The following NCS1 variants were observed in gnomAD, a reference collection of about 807,000 sequenced individuals.
The protein encoded by NCS1 is frequenin homolog.
NCS1 carries 6 observed loss-of-function variants against 28.4 expected under a neutral mutation model. The observed-to-expected ratio is 0.21, with a 90% CI of 0.12 to 0.42. NCS1 has a LOEUF of 0.42. NCS1 is among the 10% of genes least tolerant of loss of function. NCS1 has a pLI of 1.00. For missense variants in NCS1, 131 were observed against 241.4 expected (o/e 0.54, Z 3.03); for synonymous variants, 86 against 99.3 (o/e 0.87, Z 0.79).
chr9:130,214,598 C>T lies in NCS1; in HGVS notation c.90-3234C>T, dbSNP rs116440167. On this transcript the variant is annotated intron_variant, in intron 2 of 7. Coordinates refer to ENST00000372398, the MANE Select transcript of NCS1 (RefSeq NM_014286.4). ...GGGGAGGAGGCACTTGATCAGATATCGTGGGGGTGGGGATTCTGGCTACAG... is the reference window on the plus strand; with the variant it reads ...GGGGAGGAGGCACTTGATCAGATATTGTGGGGGTGGGGATTCTGGCTACAG... Among the ~76,000 whole-genome samples the T allele has an allele frequency of 3.1e-3, 478 of 152,004 alleles. 5 individuals are homozygous for T. Among genetic ancestry groups the T allele is most frequent in the African/African-American group, 0.011 (451 of 41,416 alleles).
chr9:130,202,082 C>A (rs1481642472), intron 2 of NCS1, among the ~76,000 whole-genome samples: 2 of 152,228 alleles, frequency 1.3e-5, no homozygotes, highest in African/African-American at 4.8e-5. Flanking sequence ...GAACAAAAAC[C>A]TGACCATGCC....
At chr9:130,221,436 A>G (rs1833299189) in intron 4 of NCS1, among the ~76,000 whole-genome samples, 1 of 142,728 alleles carries the variant, frequency 7.0e-6, no homozygotes, top group Non-Finnish European at 1.5e-5. Flanking sequence ...AGAGAGAGAG[A>G]GAGAGAGAGA....
chr9:130,228,399 T>G (rs2131161728), intron 7 of NCS1, among the ~76,000 whole-genome samples: 1 of 152,112 alleles, frequency 6.6e-6, no homozygotes, highest in Admixed American at 6.5e-5. Context: ...GTTTTTTTTC[T>G]GTAGTGTAGA....
intron 2 of NCS1, among the ~76,000 whole-genome samples, chr9:130,208,819 A>G (rs1479325127): frequency 6.6e-6 from 1 of 152,080 alleles, no homozygotes; most frequent in Non-Finnish European, 1.5e-5. Flanking sequence ...GCCCCATTTT[A>G]CAGATGAAGA....
chr9:130,231,540 C>A (rs1015282873), intron 7 of NCS1, among the ~76,000 whole-genome samples: 46 of 151,696 alleles, frequency 3.0e-4, no homozygotes, highest in African/African-American at 1.1e-3. Context: ...CACACCACCA[C>A]GCCCAGCTAA....
intron 4 of NCS1, among the ~76,000 whole-genome samples, chr9:130,221,391 T>TC (rs1564713592): frequency 5.5e-5 from 2 of 36,376 alleles, no homozygotes; most frequent in South Asian, 1.9e-3. Context: ...TATATATATA[T>TC]ATATATATAT....
chr9:130,189,885 T>G (rs1473240459), intron 1 of NCS1, among the ~76,000 whole-genome samples: 1 of 87,508 alleles, frequency 1.1e-5, no homozygotes, highest in Non-Finnish European at 2.1e-5. Flanking sequence ...AAAAAATATA[T>G]ATATATATAT....
chr9:130,172,957 G>T (rs1253400867), intron 1 of NCS1, among the ~76,000 whole-genome samples: 2 of 151,846 alleles, frequency 1.3e-5, no homozygotes, highest in Non-Finnish European at 2.9e-5. Context: ...GCCGGTCGGC[G>T]TGCGCGGCGC....
At chr9:130,174,716 CAGGAGAATCGCTTGAACCTGGG>C (rs1156608229) in intron 1 of NCS1, among the ~76,000 whole-genome samples, 1 of 143,678 alleles carries the variant, frequency 7.0e-6, no homozygotes, top group East Asian at 2.3e-4. Context: ...GAGGCTGAGG[CAGGAGAATCGCTTGAACCTGGG>C]AGGCGGAGGT....
chr9:130,199,247 C>G (rs1281606089), intron 1 of NCS1, among the ~76,000 whole-genome samples: 6 of 152,134 alleles, frequency 3.9e-5, no homozygotes, highest in African/African-American at 1.4e-4. Flanking sequence ...GAGCGTGCCA[C>G]CATGCCTGGC....
intron 7 of NCS1, among the ~76,000 whole-genome samples, chr9:130,227,205 C>G (rs1238351895): frequency 6.6e-6 from 1 of 152,198 alleles, no homozygotes; most frequent in Non-Finnish European, 1.5e-5. Context: ...GATAGCACGC[C>G]TGGCAGAGGC....
chr9:130,200,719 G>A (rs1349634832), intron 1 of NCS1: 45 of 1,501,928 alleles, frequency 3.0e-5, no homozygotes, highest in Non-Finnish European at 4.0e-5. Context: ...GGCAGTGGCA[G>A]GTAGCACTTG....
At chr9:130,196,466 C>T (rs1434757662) in intron 1 of NCS1, among the ~76,000 whole-genome samples, 9 of 152,312 alleles carry the variant, frequency 5.9e-5, no homozygotes, top group South Asian at 2.1e-4. Flanking sequence ...AAGCTGGGCG[C>T]GGCGTCTCAC....
rs1833076942 is a variant in NCS1 at position 130,209,218 on chromosome 9, G to C, written c.89+8236G>C. On this transcript the variant is annotated intron_variant, in intron 2 of 7. Coordinates refer to ENST00000372398, the MANE Select transcript of NCS1 (RefSeq NM_014286.4). This position sits in a 1 kb window ranked among gnomAD's most constrained non-coding sequence, Gnocchi z 4.4. Reference sequence around the variant, plus strand: ...ATGATTTATCCGTCTAGCAATCTCTGTCCCACCTTTTGCACTGCAGAGAGC... The same window carrying C: ...ATGATTTATCCGTCTAGCAATCTCTCTCCCACCTTTTGCACTGCAGAGAGC... Among the ~76,000 whole-genome samples, 1 of 152,216 alleles carries C rather than the reference G, an allele frequency of 6.6e-6. No individual in the cohort carries two copies. Among genetic ancestry groups the C allele is most frequent in the African/African-American group, 2.4e-5 (1 of 41,434 alleles).
intron 1 of NCS1, among the ~76,000 whole-genome samples, chr9:130,172,981 G>C (rs1284213286): frequency 6.6e-6 from 1 of 151,772 alleles, no homozygotes; most frequent in Non-Finnish European, 1.5e-5. Context: ...CCCTAGGTCC[G>C]GAGGGGCAGC....
chr9:130,198,951 C>G (rs1832908475), intron 1 of NCS1, among the ~76,000 whole-genome samples: 1 of 152,206 alleles, frequency 6.6e-6, no homozygotes, highest in Non-Finnish European at 1.5e-5. Context: ...CACCTTCCCT[C>G]TCCACCCCCA....
rs1178455017 is a variant in NCS1 at position 130,173,195 on chromosome 9, C to CGT, written c.64+472_64+473dup. Among the ~76,000 whole-genome samples the CGT allele has an allele frequency of 7.5e-4, 84 of 112,182 alleles. 1 individual carries two copies. The East Asian group carries it at 8.7e-3, about 12-fold the overall frequency. 73.6% of individuals were successfully genotyped at this position (112,182 alleles called of 152,430 possible). The stretch of plus-strand genomic sequence containing the variant: ...CTGTCGCCCCCTCCCTGGCCCCGTT[C>CGT]GTGTGGGGGGGGGGGTGGCGAGACT... On this transcript the variant is annotated intron_variant, in intron 1 of 7. Coordinates refer to ENST00000372398, the MANE Select transcript of NCS1 (RefSeq NM_014286.4).
At chr9:130,211,795 G>C (rs1268400225) in intron 2 of NCS1, among the ~76,000 whole-genome samples, 1 of 152,170 alleles carries the variant, frequency 6.6e-6, no homozygotes, top group East Asian at 1.9e-4. Flanking sequence ...CTAGAAGATA[G>C]GGCTCCTGCC....
In NCS1 at chr9:130,232,632, A is replaced by G. The variant is rs1276053594; in HGVS notation, c.*18-358A>G. ...CCTGTCTCTACTAAAAAATGCAAAA[A>G]GAAATTAGCCAGGCATGGTGGCGGG... On this transcript the variant is annotated intron_variant, in intron 7 of 7. Transcript: ENST00000372398. This position sits in a 1 kb window ranked among gnomAD's most constrained non-coding sequence, Gnocchi z 4.4. Among the ~76,000 whole-genome samples, 1 of 152,082 alleles carries G rather than the reference A, an allele frequency of 6.6e-6. No individual in the cohort carries two copies. The highest frequency in any genetic ancestry group is 6.6e-5 in the Admixed American group (1 of 15,264).
Sources: allele counts gnomAD v4.1 joint callset (sites outside exome capture counted in the v4.1 genomes callset), GRCh38; gene constraint gnomAD v4.1.1; non-coding constraint Gnocchi (gnomAD v3.1); transcripts MANE v1.5; gene names NCBI Gene and HGNC (gene_info 2026-07-23, HGNC 2026-07-21).